Variants in DNAH1 observed in about 807,000 individuals in gnomAD.
DNAH1 encodes dynein axonemal heavy chain 1, also known as axonemal beta dynein heavy chain 1.
Under a neutral mutation model 484.3 loss-of-function variants are expected in DNAH1, and 327 were observed. The observed-to-expected ratio is 0.68, with a 90% confidence interval of 0.62 to 0.74. The LOEUF (loss-of-function observed/expected upper bound fraction) is 0.74. Ranked by LOEUF, DNAH1 falls within the 30% of genes least tolerant of loss-of-function variation. DNAH1 has a pLI of 0.00. For missense variants in DNAH1, 5,052 were observed against 5,546.8 expected (o/e 0.91, Z 2.83); for synonymous variants, 2,192 against 2,191.9 (o/e 1.00, Z 0.00).
Position 52,353,603 on chromosome 3 carries a change from G to A in DNAH1, c.3450G>A (p.Glu1150=), listed in dbSNP as rs1292055087. 1 of 1,607,420 alleles carries A rather than the reference G, an allele frequency of 6.2e-7. No individual in the cohort carries two copies. The highest frequency in any genetic ancestry group is 1.1e-5 in the South Asian group (1 of 90,000). The change falls in exon 20 of 78, where the codon GAG becomes GAA. Residue 1150 remains glutamate (E), a synonymous_variant. Coordinates refer to ENST00000420323, the MANE Select transcript of DNAH1 (RefSeq NM_015512.5). The surrounding 1 kb of genome is among the most constrained non-coding windows in gnomAD (Gnocchi z 5.0). The part of the protein sequence containing the change: ...DHIESISKVA[E]VAGKEYAIEQ... The stretch of plus-strand genomic sequence containing the variant: ...TCGAGAGCATCAGCAAGGTGGCTGA[G>A]GTGGCTGGCAAGGAGTACGCCATCG...
intron 17 of DNAH1, 24 bp from the exon 18 acceptor site, chr3:52,352,528 G>C: frequency 6.3e-7 from 1 of 1,599,848 alleles, no homozygotes; most frequent in Non-Finnish European, 8.6e-7. Flanking sequence ...AGGGGCATCT[G>C]ACCCATTGCT....
chr3:52,331,047 G>A lies in DNAH1; in HGVS notation c.872-101G>A, dbSNP rs1701524663. 2.2e-6 allele frequency: 3 copies of A among 1,385,002 alleles called. No individual in the cohort carries two copies. The East Asian group carries it at 7.5e-5, about 35-fold the overall frequency. The allele number at this position is 1,385,002 out of a possible 1,614,324, so 85.8% of individuals were successfully genotyped here. ...TCCCAGCGGGAGAGACGCCAGACTG[G>A]TGATCTCTGAGACCCATTCCCAGCG... On this transcript the variant is annotated intron_variant, in intron 6 of 77. Transcript: ENST00000420323.
chr3:52,370,035 G>A lies in DNAH1; in HGVS notation c.6138+16G>A, dbSNP rs1195470108. The A allele has an allele frequency of 2.5e-6, 4 of 1,613,078 alleles. No homozygotes were observed. The highest frequency in any genetic ancestry group is 1.1e-5 in the South Asian group (1 of 91,070). ...CTTCCTGGAGGTGAGTGAGGCCACG[G>A]GTATGTCTGACCCTGGCAGGGCAGC... On this transcript the variant is annotated intron_variant, in intron 38 of 77. Coordinates refer to ENST00000420323, the MANE Select transcript of DNAH1 (RefSeq NM_015512.5).
At chr3:52,349,536 T>G in intron 14 of DNAH1, 116 bp downstream of exon 14, 1 of 988,532 alleles carries the variant, frequency 1.0e-6, no homozygotes. Flanking sequence ...TGTCTGTGGA[T>G]GCCCAGGCCA....
At chr3:52,386,634 C>G in intron 55 of DNAH1, 28 bp from the exon 56 acceptor site, 2 of 1,534,398 alleles carry the variant, frequency 1.3e-6, no homozygotes, top group Non-Finnish European at 1.8e-6. Context: ...GGGTCTGAGT[C>G]TTCCCCACTT....
rs749542282 is a variant in DNAH1 at position 52,353,472 on chromosome 3, C to T, written c.3319C>T (p.Arg1107Trp). 6.2e-6 allele frequency: 10 copies of T among 1,613,924 alleles called. No individual in the cohort carries two copies. Among genetic ancestry groups the T allele is most frequent in the East Asian group, 2.2e-5 (1 of 44,888 alleles). The part of the protein sequence containing the change: ...LIQGLRNPGM[R>W]IRHWETLSNQ... ...CCAGGGGCTGCGCAACCCTGGCATG[C>T]GGATCCGGCACTGGGAGACACTGTC... Residue 1107 changes from arginine (R) to tryptophan (W), a missense_variant, in exon 20 of 78, where the codon CGG (arginine) becomes TGG (tryptophan). Around this residue, in one of 4 missense-constraint regions of DNAH1, gnomAD observed 2,929 missense variants for 3,409.4 expected, o/e 0.86. Coordinates refer to ENST00000420323, the MANE Select transcript of DNAH1 (RefSeq NM_015512.5). The surrounding 1 kb of genome is among the most constrained non-coding windows in gnomAD (Gnocchi z 5.0).
At position 52,360,386 on chromosome 3, in the gene DNAH1, C is replaced by A; in HGVS notation, c.4647C>A (p.Gly1549=). The change falls in exon 28 of 78, where the codon GGC becomes GGA. Residue 1549 remains glycine, a synonymous_variant. Coordinates refer to ENST00000420323, the MANE Select transcript of DNAH1 (RefSeq NM_015512.5). Reference sequence around the variant, plus strand: ...TCATCTATGGCTATGAGTACCTGGGCAACAGTGGGAGGCTGGTGATCACGC... The same window carrying A: ...TCATCTATGGCTATGAGTACCTGGGAAACAGTGGGAGGCTGGTGATCACGC... ...AEFIYGYEYL[G]NSGRLVITPL... 1 of 1,613,962 alleles carries A rather than the reference C, an allele frequency of 6.2e-7. No homozygotes were observed. Among genetic ancestry groups the A allele is most frequent in the South Asian group, 1.1e-5 (1 of 91,086 alleles).
At position 52,349,082 on chromosome 3, in the gene DNAH1, G is replaced by A; in HGVS notation, c.2300+1G>A. The A allele has an allele frequency of 6.2e-7, 1 of 1,612,864 alleles. No individual in the cohort carries two copies. Among genetic ancestry groups the A allele is most frequent in the Non-Finnish European group, 8.5e-7 (1 of 1,179,666 alleles). ...ACAATGACATTGCCTCCTTTCTCAA[G>A]TGCGTACGTGTGCCCATGCACGTCG... is the stretch of plus-strand genomic sequence containing the variant. On this transcript the variant is annotated splice_donor_variant, in intron 13 of 77. Coordinates refer to ENST00000420323, the MANE Select transcript of DNAH1 (RefSeq NM_015512.5). LOFTEE classifies it high-confidence loss of function.
At position 52,370,100 on chromosome 3, in the gene DNAH1, C is replaced by A; in HGVS notation, c.6139-10C>A. 1 of 1,613,968 alleles carries A rather than the reference C, an allele frequency of 6.2e-7. No homozygotes were observed. Among genetic ancestry groups the A allele is most frequent in the Non-Finnish European group, 8.5e-7 (1 of 1,179,874 alleles). On this transcript the variant is annotated splice_polypyrimidine_tract_variant and intron_variant, in intron 38 of 77. Transcript: ENST00000420323. Reference sequence around the variant, plus strand: ...GCCAGCCATGAGAACTGGGTGCCTACTCCCTGCAGGAATCCATCTCCTTCG... The same window carrying A: ...GCCAGCCATGAGAACTGGGTGCCTAATCCCTGCAGGAATCCATCTCCTTCG...
chr3:52,348,049 T>A, intron 12 of DNAH1, 75 bp downstream of exon 12: 1 of 1,464,420 alleles, frequency 6.8e-7, no homozygotes, highest in Non-Finnish European at 9.2e-7. Context: ...CTCAGGGTGC[T>A]GCCACAGTTC....
intron 34 of DNAH1, among the ~76,000 whole-genome samples, chr3:52,365,657 G>A (rs1331132119): frequency 6.6e-6 from 1 of 152,082 alleles, no homozygotes; most frequent in Non-Finnish European, 1.5e-5. Context: ...CAGGTCCTTT[G>A]GTGGGCCTGC....
chr3:52,388,919 C>T lies in DNAH1; in HGVS notation c.9477C>T (p.Ala3159=). The part of the protein sequence containing the change: ...GDVLVAAGFV[A]YLGPFTGQYR... Reference sequence around the variant, plus strand: ...TCCTGGTGGCCGCTGGCTTTGTGGCCTACCTGGGCCCCTTCACGGTAAGAA... The same window carrying T: ...TCCTGGTGGCCGCTGGCTTTGTGGCTTACCTGGGCCCCTTCACGGTAAGAA... Residue 3159 remains alanine (A), a synonymous_variant, in exon 59 of 78, where the codon GCC becomes GCT. Coordinates refer to ENST00000420323, the MANE Select transcript of DNAH1 (RefSeq NM_015512.5). The T allele has an allele frequency of 1.2e-6, 2 of 1,604,572 alleles. No homozygotes were observed. Among genetic ancestry groups the T allele is most frequent in the Non-Finnish European group, 8.5e-7 (1 of 1,173,394 alleles).
chr3:52,340,137 C>T (rs183449475), intron 8 of DNAH1, among the ~76,000 whole-genome samples: 31 of 152,264 alleles, frequency 2.0e-4, no homozygotes, highest in Admixed American at 1.2e-3. Flanking sequence ...GGCTGGAGTG[C>T]CGTGGCATAA....
At chr3:52,322,917 C>A in intron 2 of DNAH1, 142 bp downstream of exon 2, 4 of 789,264 alleles carry the variant, frequency 5.1e-6, no homozygotes, top group South Asian at 4.8e-5. Context: ...TTCTATCCAT[C>A]TACCCCCTAT....
At position 52,333,962 on chromosome 3, in the gene DNAH1, A is replaced by G. The variant is rs117836794; in HGVS notation, c.1286+1568A>G. ...GTATCAAGTGCATTTTAAACTTATG[A>G]TAAGTTTAGTTGGAATGTAGCCCCA... On this transcript the variant is annotated intron_variant, in intron 8 of 77. Coordinates refer to ENST00000420323, the MANE Select transcript of DNAH1 (RefSeq NM_015512.5). Among the ~76,000 whole-genome samples, 58 of 152,332 alleles carry G rather than the reference A, an allele frequency of 3.8e-4. No individual in the cohort carries two copies. The East Asian group carries it at 8.9e-3, about 23-fold the overall frequency.
Position 52,355,762 on chromosome 3 carries a change from G to A in DNAH1, c.3693+707G>A, listed in dbSNP as rs539970767. On this transcript the variant is annotated intron_variant, in intron 21 of 77. Transcript: ENST00000420323. The surrounding 1 kb of genome is among the most constrained non-coding windows in gnomAD (Gnocchi z 4.5). ...CCCCCTCTGCTCACGCTGTCCACTCGACCTGGAGTTTGACACCCGCCTTCC... is the reference window on the plus strand; with the variant it reads ...CCCCCTCTGCTCACGCTGTCCACTCAACCTGGAGTTTGACACCCGCCTTCC... Among the ~76,000 whole-genome samples the A allele has an allele frequency of 5.4e-4, 83 of 152,296 alleles. 1 individual carries two copies. Among genetic ancestry groups the A allele is most frequent in the African/African-American group, 1.7e-3 (69 of 41,550 alleles).
chr3:52,322,597 C>T lies in DNAH1; in HGVS notation c.155C>T (p.Pro52Leu). 6.2e-7 allele frequency: 1 copy of T among 1,613,854 alleles called. No individual in the cohort carries two copies. Among genetic ancestry groups the T allele is most frequent in the Non-Finnish European group, 8.5e-7 (1 of 1,179,838 alleles). The change falls in exon 2 of 78, where the codon CCT becomes CTT. Residue 52 changes from proline to leucine, a missense_variant. Coordinates refer to ENST00000420323, the MANE Select transcript of DNAH1 (RefSeq NM_015512.5). Reference protein sequence around the residue: ...LPGSDYGLGNPPALDPKLPHL... With the variant: ...LPGSDYGLGNLPALDPKLPHL... Reference sequence around the variant, plus strand: ...GGATCAGACTATGGGTTGGGAAATCCTCCAGCCCTTGACCCCAAGCTCCCA... The same window carrying T: ...GGATCAGACTATGGGTTGGGAAATCTTCCAGCCCTTGACCCCAAGCTCCCA...
chr3:52,370,245 T>C lies in DNAH1; in HGVS notation c.6258+16T>C. On this transcript the variant is annotated intron_variant, in intron 39 of 77. Coordinates refer to ENST00000420323, the MANE Select transcript of DNAH1 (RefSeq NM_015512.5). ...GCCTAGAGAGGTACAGCCCTGAGAG[T>C]GGGGCTAGATGCACCTGGTCCCTCT... 1.2e-6 allele frequency: 2 copies of C among 1,611,780 alleles called. No homozygotes were observed. Among genetic ancestry groups the C allele is most frequent in the Admixed American group, 3.4e-5 (2 of 59,662 alleles).
chr3:52,363,301 C>T (rs1257048309), intron 32 of DNAH1, among the ~76,000 whole-genome samples, 157 bp downstream of exon 32: 1 of 152,208 alleles, frequency 6.6e-6, no homozygotes, highest in East Asian at 1.9e-4. Context: ...AGTTACATGC[C>T]CATTTGTCAG....
Sources: gnomAD v4.1 joint callset for allele counts (sites outside exome capture counted in the v4.1 genomes callset) on GRCh38, gnomAD v4.1.1 for gene constraint, gnomAD v4.1.1 regional missense constraint, Gnocchi (gnomAD v3.1) non-coding constraint, MANE v1.5 for transcripts, NCBI Gene and HGNC (gene_info 2026-07-23, HGNC 2026-07-21) for gene names.